Variants in PAFAH1B1 observed in about 807,000 individuals in gnomAD.
PAFAH1B1 encodes the protein platelet activating factor acetylhydrolase 1b regulatory subunit 1.
Under a neutral mutation model 57.5 loss-of-function variants are expected in PAFAH1B1, and 2 were observed. The observed-to-expected ratio is 0.03, with a 90% CI of 0.01 to 0.11. The LOEUF (loss-of-function observed/expected upper bound fraction) is 0.11. Among genes scored for constraint, PAFAH1B1 ranks in the 10% least tolerant of loss-of-function variants. The pLI is 1.00. For missense variants in PAFAH1B1, 257 were observed against 512.0 expected, an observed-to-expected ratio of 0.50 and a Z score of 4.81; for synonymous variants, 152 against 169.6, an observed-to-expected ratio of 0.90 and a Z score of 0.81.
rs367662239 is a variant in PAFAH1B1, at chr17:2,667,916, T to C, written c.399+718T>C. ...TCCGGACACAATAAAATGACCGTTG[T>C]ATAAACCACCTACAGAAAGATAAGA... On this transcript the variant is annotated intron_variant, in intron 5 of 10. Transcript: ENST00000397195. Among the ~76,000 whole-genome samples, 10 of 152,116 alleles carry C rather than the reference T, an allele frequency of 6.6e-5. No homozygotes were observed. In the East Asian group the frequency reaches 1.7e-3, roughly 26 times the overall value.
chr17:2,601,738 G>A (rs540883974), intron 1 of PAFAH1B1, among the ~76,000 whole-genome samples: 2 of 151,868 alleles, frequency 1.3e-5, no homozygotes, highest in Non-Finnish European at 2.9e-5. Context: ...CACGGCGCCC[G>A]GCCTAATTTT....
At chr17:2,635,534 A>G (rs1567539140) in intron 1 of PAFAH1B1, 1 of 151,266 alleles carries the variant, frequency 6.6e-6, no homozygotes, top group African/African-American at 2.4e-5. Flanking sequence ...TGCCCTGCCA[A>G]TTTTTTTTAC....
In PAFAH1B1 at chr17:2,637,426, A is replaced by T. The variant is rs77548203; in HGVS notation, c.-190-673A>T. ...GGAGACCTGTCTCTACAAAAAAAAA[A>T]TTTAAGAATTAGCTGGGCATGGTGG... On this transcript the variant is annotated intron_variant, in intron 1 of 10. Transcript: ENST00000397195. Among the ~76,000 whole-genome samples, 23 of 142,582 alleles carry T rather than the reference A, an allele frequency of 1.6e-4. No homozygotes were observed. The South Asian group carries it at 3.2e-3, about 20-fold the overall frequency. The allele number at this position is 142,582 out of a possible 152,430, so 93.5% of individuals were successfully genotyped here.
intron 2 of PAFAH1B1, among the ~76,000 whole-genome samples, chr17:2,662,167 A>G (rs1020820174): frequency 6.6e-6 from 1 of 152,182 alleles, no homozygotes; most frequent in African/African-American, 2.4e-5. Context: ...AGTCAGCTAA[A>G]GTGCTTAAAA....
intron 2 of PAFAH1B1, among the ~76,000 whole-genome samples, chr17:2,655,771 A>G (rs1026869698): frequency 1.3e-5 from 2 of 151,698 alleles, no homozygotes; most frequent in African/African-American, 4.8e-5. Flanking sequence ...TCGTCACATT[A>G]CCCGACCGAT....
chr17:2,627,298 T>G (rs923617693), intron 1 of PAFAH1B1, among the ~76,000 whole-genome samples: 6 of 152,206 alleles, frequency 3.9e-5, no homozygotes, highest in Admixed American at 3.9e-4. Flanking sequence ...CAGTTTCATT[T>G]TCCTGTATGT....
chr17:2,631,626 G>A (rs1178346181), intron 1 of PAFAH1B1, among the ~76,000 whole-genome samples: 2 of 152,180 alleles, frequency 1.3e-5, no homozygotes, highest in African/African-American at 4.8e-5. Flanking sequence ...TCTCTAGTGG[G>A]GGTGTGTGCT....
chr17:2,614,148 C>T (rs960931426), intron 1 of PAFAH1B1, among the ~76,000 whole-genome samples: 1 of 149,524 alleles, frequency 6.7e-6, no homozygotes, highest in African/African-American at 2.5e-5. Context: ...CCCACCTTAG[C>T]CTCCTGAGTA....
intron 1 of PAFAH1B1, among the ~76,000 whole-genome samples, chr17:2,601,533 C>T (rs567238346): frequency 4.6e-5 from 7 of 152,268 alleles, no homozygotes; most frequent in Non-Finnish European, 7.4e-5. Context: ...CCTCTGCCTC[C>T]TGGATTCAAG....
intron 2 of PAFAH1B1, 53 bp downstream of exon 2, chr17:2,638,373 G>A: frequency 6.9e-7 from 1 of 1,448,666 alleles, no homozygotes; most frequent in South Asian, 1.1e-5. Flanking sequence ...GAGAGAGAAA[G>A]TAGTAAATTA....
chr17:2,612,098 C>T (rs1244527786), intron 1 of PAFAH1B1, among the ~76,000 whole-genome samples: 1 of 151,238 alleles, frequency 6.6e-6, no homozygotes, highest in Non-Finnish European at 1.5e-5. Context: ...CTTGGTGTGA[C>T]GATTTAAAAG....
In PAFAH1B1 at chr17:2,631,676, G is replaced by A. The variant is rs189718634; in HGVS notation, c.-190-6423G>A. Among the ~76,000 whole-genome samples the A allele has an allele frequency of 1.8e-3, 267 of 152,262 alleles. 1 individual carries two copies. The highest frequency in any genetic ancestry group is 6.1e-3 in the African/African-American group (252 of 41,544). ...CTTCCTTTCTCACTTCTGCAGTTGG[G>A]ACACTCACAGTATTTGGGGTGTCTC... On this transcript the variant is annotated intron_variant, in intron 1 of 10. Transcript: ENST00000397195.
At chr17:2,609,164 G>A (rs1013647255) in intron 1 of PAFAH1B1, among the ~76,000 whole-genome samples, 3 of 152,206 alleles carry the variant, frequency 2.0e-5, no homozygotes, top group Admixed American at 2.0e-4. Context: ...AATTACAGCT[G>A]CCTTCTTGAA....
At chr17:2,646,876 C>T (rs1597549590) in intron 2 of PAFAH1B1, among the ~76,000 whole-genome samples, 1 of 152,150 alleles carries the variant, frequency 6.6e-6, no homozygotes, top group East Asian at 1.9e-4. Context: ...ATTGCTTTTT[C>T]CGGGACATAA....
At chr17:2,617,785 C>T (rs1022446920) in intron 1 of PAFAH1B1, among the ~76,000 whole-genome samples, 3 of 151,560 alleles carry the variant, frequency 2.0e-5, no homozygotes, top group Admixed American at 1.3e-4. Flanking sequence ...CCAGGTGTGG[C>T]GGTGGGTGTC....
intron 8 of PAFAH1B1, among the ~76,000 whole-genome samples, chr17:2,675,200 G>T (rs948275507): frequency 6.6e-6 from 1 of 152,052 alleles, no homozygotes; most frequent in Non-Finnish European, 1.5e-5. Flanking sequence ...ACAAGGTTTT[G>T]CCATGTTGGC....
At chr17:2,618,944 G>A (rs1180345069) in intron 1 of PAFAH1B1, among the ~76,000 whole-genome samples, 2 of 112,148 alleles carry the variant, frequency 1.8e-5, no homozygotes, top group Non-Finnish European at 3.4e-5. Context: ...AATGGAGTGA[G>A]ACTCCGTCTC....
chr17:2,609,485 A>C (rs2068242199), intron 1 of PAFAH1B1: 1 of 152,274 alleles, frequency 6.6e-6, no homozygotes, highest in Non-Finnish European at 1.5e-5. Flanking sequence ...TTTTCAAGAA[A>C]AGTAGAAAAG....
intron 2 of PAFAH1B1, among the ~76,000 whole-genome samples, chr17:2,660,235 T>C (rs1227190454): frequency 6.6e-6 from 1 of 152,162 alleles, no homozygotes; most frequent in Non-Finnish European, 1.5e-5. Flanking sequence ...CTTTTTTTTT[T>C]TTTAATTTTT....
Sources: gnomAD v4.1 joint callset for allele counts (sites outside exome capture counted in the v4.1 genomes callset) on GRCh38, gnomAD v4.1.1 for gene constraint, MANE v1.5 for transcripts, NCBI Gene and HGNC (gene_info 2026-07-23, HGNC 2026-07-21) for gene names.